EPCAM: variants seen among roughly 807,000 people sequenced by gnomAD.
EPCAM encodes the protein adenocarcinoma-associated antigen.
In EPCAM, 39 loss-of-function variants were observed where a neutral mutation model predicts 40.0. The ratio of observed to expected loss-of-function variants is 0.98; its 90% CI spans 0.76 to 1.27. The LOEUF (loss-of-function observed/expected upper bound fraction) is 1.27, where lower values mean the gene tolerates loss of function less well. Among genes scored for constraint, EPCAM ranks in the 50% most tolerant of loss-of-function variants. The pLI, the probability that EPCAM is intolerant of heterozygous loss-of-function variation, is 0.00. For missense variants in EPCAM, 503 were observed against 381.2 expected (o/e 1.32, Z -2.66); for synonymous variants, 168 against 132.3 (o/e 1.27, Z -1.85).
In EPCAM at chr2:47,373,811, C is replaced by G. The variant is rs1335182653; in HGVS notation, c.188C>G (p.Ala63Gly). The G allele has an allele frequency of 3.7e-6, 6 of 1,613,980 alleles. No individual in the cohort carries two copies. Among genetic ancestry groups the G allele is most frequent in the Non-Finnish European group, 4.2e-6 (5 of 1,180,004 alleles). Residue 63 changes from alanine (A) to glycine (G), a missense_variant, in exon 3 of 9, where the codon GCT (alanine) becomes GGT (glycine). Ala to Gly is a moderately conservative substitution (Grantham distance 60). Coordinates refer to ENST00000263735, the MANE Select transcript of EPCAM (RefSeq NM_002354.3). The part of the protein sequence containing the change: ...AQNTVICSKL[A>G]AKCLVMKAEM... ...GGCATTAAGGTTTCTTTTTCAGTGG[C>G]TGCCAAATGTTTGGTGATGAAGGCA...
At chr2:47,375,666 C>G (rs541547020) in intron 4 of EPCAM, among the ~76,000 whole-genome samples, 19 of 151,436 alleles carry the variant, frequency 1.3e-4, no homozygotes, top group Admixed American at 6.6e-4. Context: ...AAAAGGCATT[C>G]TTTTATATAA....
Position 47,384,263 on chromosome 2 carries a change from C to T in EPCAM, c.859-903C>T, listed in dbSNP as rs372391142. Among the ~76,000 whole-genome samples the T allele has an allele frequency of 2.2e-4, 33 of 152,004 alleles. No individual in the cohort carries two copies. The East Asian group carries it at 5.8e-3, about 27-fold the overall frequency. On this transcript the variant is annotated intron_variant, in intron 7 of 8. Transcript: ENST00000263735. The stretch of plus-strand genomic sequence containing the variant: ...GGATTACAGGCGCCTGCCACCACGC[C>T]TGGCTAATTTTTGTATCTTTAGTAG...
At chr2:47,369,913 C>A (rs930914103) in intron 1 of EPCAM, 78 of 439,024 alleles carry the variant, frequency 1.8e-4, no homozygotes, top group Non-Finnish European at 3.2e-4. Flanking sequence ...CCCTGGCGCA[C>A]CCACGTCCTC....
rs1041867541 is a variant in EPCAM, at chr2:47,372,742, A to G, written c.77-721A>G. Among the ~76,000 whole-genome samples the G allele has an allele frequency of 3.9e-5, 6 of 152,052 alleles. No individual in the cohort carries two copies. In the East Asian group the frequency reaches 7.7e-4, roughly 20 times the overall value. ...AGCTGCGATTGTACCACTGCAATCC[A>G]GCCTGCACGACAGAGTGAGACTCTG... On this transcript the variant is annotated intron_variant, in intron 1 of 8. Coordinates refer to ENST00000263735, the MANE Select transcript of EPCAM (RefSeq NM_002354.3).
At chr2:47,382,223 G>T (rs1288203307) in intron 7 of EPCAM, among the ~76,000 whole-genome samples, 1 of 152,054 alleles carries the variant, frequency 6.6e-6, no homozygotes, top group African/African-American at 2.4e-5. Flanking sequence ...AAATTGATGA[G>T]GAAACCTAAA....
chr2:47,369,481 C>T lies in EPCAM; in HGVS notation c.-25C>T. The T allele has an allele frequency of 1.3e-6, 2 of 1,514,098 alleles. No individual in the cohort carries two copies. Among genetic ancestry groups the T allele is most frequent in the East Asian group, 2.6e-5 (1 of 38,490 alleles). The allele number at this position is 1,514,098 out of a possible 1,614,324, so 93.8% of individuals were successfully genotyped here. A position where few individuals can be genotyped will look rare whatever the true frequency, so the allele number is the denominator to read the frequency against. On this transcript the variant is annotated 5_prime_UTR_variant, in exon 1 of 9. Transcript: ENST00000263735. ...CCGCGAGTCCCGGGCCCCTCCCGCGCCCCTCTTCTCGGCGCGCGCGCAGCA... is the reference window on the plus strand; with the variant it reads ...CCGCGAGTCCCGGGCCCCTCCCGCGTCCCTCTTCTCGGCGCGCGCGCAGCA...
chr2:47,384,480 C>G lies in EPCAM; in HGVS notation c.859-686C>G, dbSNP rs190524435. On this transcript the variant is annotated intron_variant, in intron 7 of 8. Transcript: ENST00000263735. ...CCAGGCTGGAGTGCAATGGCGCCAT[C>G]TCGGCTCACTGCAACCTCTGCCTCT... Among the ~76,000 whole-genome samples the G allele has an allele frequency of 2.3e-3, 355 of 152,116 alleles. 1 individual carries two copies. Among genetic ancestry groups the G allele is most frequent in the African/African-American group, 8.3e-3 (343 of 41,474 alleles).
At chr2:47,375,967 G>A (rs1440612759) in intron 4 of EPCAM, among the ~76,000 whole-genome samples, 1 of 152,034 alleles carries the variant, frequency 6.6e-6, no homozygotes, top group Non-Finnish European at 1.5e-5. Context: ...GCCTCCCAAA[G>A]TGCTGCAATT....
rs143264703 is a variant in EPCAM, at chr2:47,373,920, C to T, written c.297C>T (p.Cys99=). 5.6e-6 allele frequency: 9 copies of T among 1,613,886 alleles called. No individual in the cohort carries two copies. In the African/African-American group the frequency reaches 8.0e-5, roughly 14 times the overall value. The stretch of plus-strand genomic sequence containing the variant: ...ATGATGGGCTTTATGATCCTGACTG[C>T]GATGAGAGCGGGCTCTTTAAGGCCA... ...QNNDGLYDPD[C]DESGLFKAKQ... Residue 99 remains cysteine (C), a synonymous_variant, in exon 3 of 9, where the codon TGC becomes TGT. Transcript: ENST00000263735.
At chr2:47,374,518 A>C (rs556081476) in intron 3 of EPCAM, among the ~76,000 whole-genome samples, 1 of 152,354 alleles carries the variant, frequency 6.6e-6, no homozygotes, top group Admixed American at 6.5e-5. Flanking sequence ...CTTCATTGGA[A>C]GGGACTAGAA....
At chr2:47,376,941 T>A in intron 4 of EPCAM, 73 bp from the exon 5 acceptor site, 1 of 1,018,738 alleles carries the variant, frequency 9.8e-7, no homozygotes, top group South Asian at 1.3e-5. Flanking sequence ...AGCTGTCTGC[T>A]TAAAGAGTAG....
intron 1 of EPCAM, among the ~76,000 whole-genome samples, chr2:47,370,619 C>A (rs1311303030): frequency 2.0e-5 from 3 of 152,078 alleles, no homozygotes; most frequent in African/African-American, 7.2e-5. Context: ...GTCACCCAGG[C>A]TGGAGTGCAA....
At chr2:47,383,963 A>T (rs1380215193) in intron 7 of EPCAM, among the ~76,000 whole-genome samples, 1 of 151,556 alleles carries the variant, frequency 6.6e-6, no homozygotes, top group Non-Finnish European at 1.5e-5. Flanking sequence ...TTTAAAGATT[A>T]TTCATTGTTT....
At chr2:47,376,967 T>G (rs750348819) in intron 4 of EPCAM, 47 bp from the exon 5 acceptor site, 1 of 1,245,446 alleles carries the variant, frequency 8.0e-7, no homozygotes, top group Non-Finnish European at 1.2e-6. Flanking sequence ...CTTACTGTTG[T>G]GTGGTACAAA....
intron 1 of EPCAM, 144 bp downstream of exon 1, chr2:47,369,725 TG>T: frequency 1.1e-6 from 1 of 900,988 alleles, no homozygotes; most frequent in Non-Finnish European, 1.8e-6. Flanking sequence ...GGTGCGGCCG[TG>T]CTCCGGCTCA....
chr2:47,380,218 A>G (rs996696846), intron 7 of EPCAM, among the ~76,000 whole-genome samples: 4 of 152,154 alleles, frequency 2.6e-5, no homozygotes, highest in South Asian at 2.1e-4. Context: ...TAGGAGGCTG[A>G]TGTGGGAGTG....
chr2:47,385,870 C>T (rs1038497310), intron 8 of EPCAM, among the ~76,000 whole-genome samples: 1 of 152,084 alleles, frequency 6.6e-6, no homozygotes, highest in Non-Finnish European at 1.5e-5. Flanking sequence ...TGTAGTAGGT[C>T]ATCTGGTTTA....
chr2:47,386,466 T>A, intron 8 of EPCAM, 106 bp from the exon 9 acceptor site: 3 of 850,196 alleles, frequency 3.5e-6, no homozygotes, highest in Non-Finnish European at 5.6e-6. Context: ...TGGGAAAAAA[T>A]TATCTTGTGT....
At position 47,377,040 on chromosome 2, in the gene EPCAM, G is replaced by A. The variant is rs771569331; in HGVS notation, c.518G>A (p.Arg173His). Residue 173 changes from arginine (R) to histidine (H), a missense_variant, in exon 5 of 9, where the codon CGT (arginine) becomes CAT (histidine). By Grantham distance (29) the Arg-to-His change is conservative (BLOSUM62 0). Transcript: ENST00000263735. The stretch of plus-strand genomic sequence containing the variant: ...GCACTTCAGAAGGAGATCACAACGC[G>A]TTATCAACTGGATCCAAAATTTATC... ...RTALQKEITTRYQLDPKFITS... is the reference protein window; with the variant it reads ...RTALQKEITTHYQLDPKFITS... 6.3e-5 allele frequency: 102 copies of A among 1,610,616 alleles called. No individual in the cohort carries two copies. The highest frequency in any genetic ancestry group is 1.4e-4 in the South Asian group (13 of 91,028).
Sources: gnomAD v4.1 joint callset for allele counts (sites outside exome capture counted in the v4.1 genomes callset) on GRCh38, gnomAD v4.1.1 for gene constraint, MANE v1.5 for transcripts, NCBI Gene and HGNC (gene_info 2026-07-23, HGNC 2026-07-21) for gene names.